The following TOX variants were observed in gnomAD, a reference collection of about 807,000 sequenced individuals.
TOX encodes thymocyte selection-associated high mobility group box protein TOX.
Under a neutral mutation model 53.7 loss-of-function variants are expected in TOX, and 11 were observed. The ratio of observed to expected loss-of-function variants is 0.20; its 90% CI spans 0.13 to 0.34. The LOEUF is 0.34. TOX is among the 10% of genes least tolerant of loss of function. TOX has a pLI of 1.00. For synonymous variants in TOX, 225 were observed against 245.3 expected, an observed-to-expected ratio of 0.92 and a Z score of 0.77; for missense variants, 570 against 664.6, an observed-to-expected ratio of 0.86 and a Z score of 1.56.
intron 1 of TOX, among the ~76,000 whole-genome samples, chr8:59,006,752 A>G (rs918388069): frequency 1.3e-5 from 2 of 152,212 alleles, no homozygotes; most frequent in African/African-American, 4.8e-5. Context: ...TGAGGTACTA[A>G]CATTAAAGAG....
rs74414887 is a variant in TOX, at chr8:58,968,166, T to C, written c.103-8158A>G. Among the ~76,000 whole-genome samples, 206 of 152,342 alleles carry C rather than the reference T, an allele frequency of 1.4e-3. 1 individual carries two copies. The highest frequency in any genetic ancestry group is 4.9e-3 in the African/African-American group (203 of 41,588). On this transcript the variant is annotated intron_variant, in intron 1 of 8. Coordinates refer to ENST00000361421, the MANE Select transcript of TOX (RefSeq NM_014729.3). ...AGTACCAAGCAATCCATTTTCATTA[T>C]ATATTGTTTAAGAAAAGAATATGTG...
chr8:58,859,606 C>A (rs1430399999), intron 3 of TOX, among the ~76,000 whole-genome samples: 1 of 152,136 alleles, frequency 6.6e-6, no homozygotes, highest in Non-Finnish European at 1.5e-5. Flanking sequence ...AGCCATAGTA[C>A]TCTCTAGAAC....
intron 3 of TOX, among the ~76,000 whole-genome samples, chr8:58,897,819 T>A (rs7004274): frequency 0.54 from 80,839 of 150,952 alleles, 22,164 homozygotes; most frequent in African/African-American, 0.65. Context: ...TATTTCTACA[T>A]TTTTTTTTTA....
At chr8:59,001,152 A>G (rs1483736609) in intron 1 of TOX, among the ~76,000 whole-genome samples, 1 of 152,184 alleles carries the variant, frequency 6.6e-6, no homozygotes, top group Non-Finnish European at 1.5e-5. Context: ...CTTTGTCTCC[A>G]TTTACTCCCT....
At chr8:58,977,229 C>A (rs902720044) in intron 1 of TOX, among the ~76,000 whole-genome samples, 10 of 152,240 alleles carry the variant, frequency 6.6e-5, no homozygotes, top group African/African-American at 2.4e-4. Flanking sequence ...TCAACTTACA[C>A]TTTTATGTTA....
intron 1 of TOX, among the ~76,000 whole-genome samples, chr8:59,097,007 C>T (rs376457540): frequency 1.1e-4 from 16 of 152,276 alleles, no homozygotes; most frequent in African/African-American, 3.9e-4. Flanking sequence ...AGGTGAGATG[C>T]ATATTTTACT....
chr8:59,030,912 A>G (rs1386037352), intron 1 of TOX, among the ~76,000 whole-genome samples: 1 of 152,230 alleles, frequency 6.6e-6, no homozygotes, highest in Admixed American at 6.5e-5. Flanking sequence ...AACATCATAC[A>G]TCAGAATTTC....
intron 1 of TOX, among the ~76,000 whole-genome samples, chr8:59,095,871 A>AGAATAGATGTGTAGAGAGGTATTT (rs1336126633): frequency 6.6e-6 from 1 of 152,208 alleles, no homozygotes; most frequent in Non-Finnish European, 1.5e-5. Context: ...GATGTGTTGT[A>AGAATAGATGTGTAGAGAGGTATTT]GAATAGATGT....
intron 3 of TOX, among the ~76,000 whole-genome samples, chr8:58,870,658 A>AC (rs1563375318): frequency 6.6e-6 from 1 of 152,122 alleles, no homozygotes; most frequent in Non-Finnish European, 1.5e-5. Context: ...TAATGTGGAC[A>AC]CCATGGTATT....
intron 3 of TOX, among the ~76,000 whole-genome samples, chr8:58,905,696 C>G (rs533561235): frequency 6.6e-6 from 1 of 152,202 alleles, no homozygotes; most frequent in Non-Finnish European, 1.5e-5. Flanking sequence ...AGTAATTGCA[C>G]AGTCGAGTTC....
At chr8:58,940,860 G>A (rs1199335439) in intron 2 of TOX, among the ~76,000 whole-genome samples, 3 of 152,154 alleles carry the variant, frequency 2.0e-5, no homozygotes, top group Non-Finnish European at 2.9e-5. Flanking sequence ...CTTTCTAAAT[G>A]TTGTACAAGT....
intron 1 of TOX, among the ~76,000 whole-genome samples, chr8:59,013,689 G>A (rs371296065): frequency 1.3e-5 from 2 of 152,208 alleles, no homozygotes; most frequent in East Asian, 3.8e-4. Flanking sequence ...GATTACAGGC[G>A]TGAGCCAGCG....
At chr8:58,888,761 C>T (rs1811512985) in intron 3 of TOX, among the ~76,000 whole-genome samples, 1 of 151,750 alleles carries the variant, frequency 6.6e-6, no homozygotes, top group Non-Finnish European at 1.5e-5. Context: ...GAATTTTCTA[C>T]ATAATAGAAA....
intron 1 of TOX, among the ~76,000 whole-genome samples, chr8:59,079,539 G>C (rs551106230): frequency 7.2e-5 from 11 of 152,340 alleles, no homozygotes; most frequent in African/African-American, 2.4e-4. Flanking sequence ...GATGCAAACT[G>C]TAAGTCTTGG....
intron 1 of TOX, among the ~76,000 whole-genome samples, chr8:58,989,345 C>T (rs1171631597): frequency 6.6e-6 from 1 of 151,798 alleles, no homozygotes; most frequent in South Asian, 2.1e-4. Flanking sequence ...AAAACATAAA[C>T]TCTTTTAGCT....
chr8:59,047,203 GTTTTTTTTTTTTTTTTTTT>G (rs10551461), intron 1 of TOX, among the ~76,000 whole-genome samples: 1 of 44,674 alleles, frequency 2.2e-5, no homozygotes, highest in East Asian at 6.9e-4. Context: ...ACCAAGAATT[GTTTTTTTTTTTTTTTTTTT>G]TTTTTTTTTT....
chr8:58,839,421 T>G (rs1810606473), intron 4 of TOX, among the ~76,000 whole-genome samples: 1 of 152,212 alleles, frequency 6.6e-6, no homozygotes, highest in Admixed American at 6.5e-5. Flanking sequence ...GATTCTATTT[T>G]CTCCCATGTT....
At chr8:58,914,215 T>C (rs1027972109) in intron 3 of TOX, among the ~76,000 whole-genome samples, 2 of 152,224 alleles carry the variant, frequency 1.3e-5, no homozygotes, top group African/African-American at 4.8e-5. Flanking sequence ...CTGCTGCTGG[T>C]AGCTGTATAA....
intron 1 of TOX, among the ~76,000 whole-genome samples, chr8:59,052,105 A>G (rs1803801241): frequency 6.6e-6 from 1 of 152,194 alleles, no homozygotes; most frequent in Admixed American, 6.5e-5. Flanking sequence ...AGATCCGAAT[A>G]TATGAGGAAT....
Sources: allele counts gnomAD v4.1 joint callset (sites outside exome capture counted in the v4.1 genomes callset), GRCh38; gene constraint gnomAD v4.1.1; transcripts MANE v1.5; gene names NCBI Gene and HGNC (gene_info 2026-07-23, HGNC 2026-07-21).